MRPL18: variants seen among roughly 807,000 people sequenced by gnomAD.
MRPL18 encodes the protein large ribosomal subunit protein uL18m.
MRPL18 carries 16 observed loss-of-function variants against 20.9 expected under a neutral mutation model. The observed-to-expected ratio is 0.76, with a 90% CI of 0.52 to 1.16. The LOEUF (loss-of-function observed/expected upper bound fraction) is 1.16. Ranked by LOEUF, MRPL18 falls within the 50% of genes most tolerant of loss-of-function variation. The pLI, the probability that MRPL18 is intolerant of heterozygous loss-of-function variation, is 0.00. For missense variants in MRPL18, 233 were observed against 230.6 expected, an observed-to-expected ratio of 1.01 and a Z score of -0.07; for synonymous variants, 91 against 87.1, an observed-to-expected ratio of 1.04 and a Z score of -0.25.
chr6:159,794,555 G>A (rs550670903), intron 2 of MRPL18, among the ~76,000 whole-genome samples: 1 of 152,232 alleles, frequency 6.6e-6, no homozygotes, highest in South Asian at 2.1e-4. Flanking sequence ...GAATACTATT[G>A]CATGGATTTT....
At position 159,791,266 on chromosome 6, in the gene MRPL18, A is replaced by G. The variant is rs542894414; in HGVS notation, c.239+140A>G. ...CGCGGAGGGGCTGGAACAAACAACA[A>G]ATAGGTGTGATGGGGGCTATTTAAA... On this transcript the variant is annotated intron_variant, in intron 2 of 3. Transcript: ENST00000367034. 512 of 925,844 alleles carry G rather than the reference A, an allele frequency of 5.5e-4. 1 individual carries two copies. The highest frequency in any genetic ancestry group is 7.6e-4 in the Non-Finnish European group (468 of 618,018). The allele number at this position is 925,844 out of a possible 1,614,324, so 57.4% of individuals were successfully genotyped here. A position where few individuals can be genotyped will look rare whatever the true frequency, so the allele number is the denominator to read the frequency against.
intron 1 of MRPL18, 145 bp from the exon 2 acceptor site, chr6:159,790,795 C>A: frequency 7.3e-7 from 1 of 1,366,896 alleles, no homozygotes; most frequent in Admixed American, 2.2e-5. Flanking sequence ...GGGGTCAGTG[C>A]TGACTCCACC....
chr6:159,790,877 C>G, intron 1 of MRPL18, 63 bp from the exon 2 acceptor site: 1 of 1,579,706 alleles, frequency 6.3e-7, no homozygotes. Context: ...GACGTTAGAG[C>G]GGGTTCGTGC....
At position 159,790,479 on chromosome 6, in the gene MRPL18, A is replaced by T; in HGVS notation, c.-109A>T. On this transcript the variant is annotated 5_prime_UTR_variant, in exon 1 of 4. Transcript: ENST00000367034. The stretch of plus-strand genomic sequence containing the variant: ...GGCGTCTGGCGTGGAGAGTTTGGGG[A>T]TCTACAGCAGCCAAAGGCTTGTCCC... 1 of 1,458,462 alleles carries T rather than the reference A, an allele frequency of 6.9e-7. No homozygotes were observed. Among genetic ancestry groups the T allele is most frequent in the Non-Finnish European group, 9.5e-7 (1 of 1,049,502 alleles). The allele number at this position is 1,458,462 out of a possible 1,614,324, so 90.3% of individuals were successfully genotyped here. A position where few individuals can be genotyped will look rare whatever the true frequency, so the allele number is the denominator to read the frequency against.
At chr6:159,789,929 AG>A, upstream of MRPL18, 1 of 189,018 alleles carries the variant, frequency 5.3e-6, no homozygotes, top group South Asian at 9.2e-5. Context: ...GTGTAACTGG[AG>A]GGGCGGGCCC....
chr6:159,791,146 A>T lies in MRPL18; in HGVS notation c.239+20A>T, dbSNP rs1343598985. 6.2e-7 allele frequency: 1 copy of T among 1,613,608 alleles called. No individual in the cohort carries two copies. The highest frequency in any genetic ancestry group is 1.3e-5 in the African/African-American group (1 of 74,862). On this transcript the variant is annotated intron_variant, in intron 2 of 3. Coordinates refer to ENST00000367034, the MANE Select transcript of MRPL18 (RefSeq NM_014161.5). ...GCACAGGTAATTAAATCTGCTTGTG[A>T]TTGACAAGGGCAGTGCACCCTACAG...
chr6:159,791,049 GA>G lies in MRPL18; in HGVS notation c.164del (p.Asn55ThrfsTer7). 1 of 1,614,180 alleles carries G rather than the reference GA, an allele frequency of 6.2e-7. No individual in the cohort carries two copies. Among genetic ancestry groups the G allele is most frequent in the Non-Finnish European group, 8.5e-7 (1 of 1,180,016 alleles). On this transcript the variant is annotated frameshift_variant, in exon 2 of 4. Transcript: ENST00000367034. LOFTEE classifies it high-confidence loss of function. ...APEFTNRNPR[N>X]LELLSVARKE... ...CAGAATTCACCAACCGGAACCCCCG[GA>G]ACCTGGAGCTTTTATCTGTAGCCAG...
At chr6:159,793,852 C>T (rs1434879536) in intron 2 of MRPL18, among the ~76,000 whole-genome samples, 1 of 151,490 alleles carries the variant, frequency 6.6e-6, no homozygotes, top group Non-Finnish European at 1.5e-5. Context: ...GCGGAGCTTG[C>T]AGTGAGCCGA....
chr6:159,790,229 T>TA (rs1434674112), upstream of MRPL18, among the ~76,000 whole-genome samples: 1 of 152,138 alleles, frequency 6.6e-6, no homozygotes, highest in Non-Finnish European at 1.5e-5. Context: ...GACCAGTCGA[T>TA]GACCGCCCAA....
intron 2 of MRPL18, among the ~76,000 whole-genome samples, chr6:159,793,003 ATT>A (rs1196483335): frequency 7.3e-6 from 1 of 137,276 alleles, no homozygotes; most frequent in African/African-American, 2.8e-5. Context: ...TTTTTCTGGT[ATT>A]TTTTGTAGAG....
chr6:159,790,388 GAT>G, upstream of MRPL18: 1 of 660,314 alleles, frequency 1.5e-6, no homozygotes, highest in South Asian at 1.9e-5. Flanking sequence ...GATGATTGGC[GAT>G]GAAGGATAAC....
chr6:159,793,933 G>T (rs938564174), intron 2 of MRPL18, among the ~76,000 whole-genome samples: 2 of 151,946 alleles, frequency 1.3e-5, no homozygotes, highest in Non-Finnish European at 2.9e-5. Flanking sequence ...AAGAGATTGT[G>T]ATTTTTTACT....
At position 159,797,296 on chromosome 6, in the gene MRPL18, T is replaced by A; in HGVS notation, c.249T>A (p.Val83=). 1.9e-6 allele frequency: 3 copies of A among 1,614,190 alleles called. No homozygotes were observed. Among genetic ancestry groups the A allele is most frequent in the Non-Finnish European group, 2.5e-6 (3 of 1,180,024 alleles). The change falls in exon 3 of 4, where the codon GTT becomes GTA. Residue 83 remains valine, a synonymous_variant. Transcript: ENST00000367034. The part of the protein sequence containing the change: ...PSREFWHRLR[V]IRTQHHVEAL... Reference sequence around the variant, plus strand: ...TTCTCACCCCATTTAGGTTGCGAGTTATAAGGACTCAGCATCATGTAGAAG... The same window carrying A: ...TTCTCACCCCATTTAGGTTGCGAGTAATAAGGACTCAGCATCATGTAGAAG...
intron 2 of MRPL18, among the ~76,000 whole-genome samples, chr6:159,795,080 A>T (rs964690820): frequency 4.3e-4 from 66 of 152,268 alleles, no homozygotes; most frequent in Non-Finnish European, 1.3e-4. Context: ...ATGCTTTACA[A>T]AGCAGTATTG....
chr6:159,796,283 G>A (rs949487037), intron 2 of MRPL18, among the ~76,000 whole-genome samples: 6 of 151,640 alleles, frequency 4.0e-5, no homozygotes, highest in South Asian at 2.1e-4. Flanking sequence ...AGTTTGAGAC[G>A]AGCCTGGGCA....
At chr6:159,790,799 C>T (rs1780861067) in intron 1 of MRPL18, 141 bp from the exon 2 acceptor site, 2 of 1,372,264 alleles carry the variant, frequency 1.5e-6, no homozygotes, top group Middle Eastern at 1.9e-4. Context: ...TCAGTGCTGA[C>T]TCCACCCTGT....
intron 2 of MRPL18, among the ~76,000 whole-genome samples, chr6:159,796,751 T>C (rs748520169): frequency 2.0e-5 from 3 of 152,088 alleles, no homozygotes; most frequent in African/African-American, 4.8e-5. Context: ...ACTGCTGTAC[T>C]CCGAGCTGGG....
chr6:159,795,131 C>G (rs944198374), intron 2 of MRPL18, among the ~76,000 whole-genome samples: 2 of 152,236 alleles, frequency 1.3e-5, no homozygotes, highest in African/African-American at 4.8e-5. Context: ...GCGGTTTTTC[C>G]CTAACTCAGT....
chr6:159,794,555 G>C (rs550670903), intron 2 of MRPL18, among the ~76,000 whole-genome samples: 1 of 152,232 alleles, frequency 6.6e-6, no homozygotes, highest in East Asian at 1.9e-4. Context: ...GAATACTATT[G>C]CATGGATTTT....
Sources: gnomAD v4.1 joint callset for allele counts (sites outside exome capture counted in the v4.1 genomes callset) on GRCh38, gnomAD v4.1.1 for gene constraint, MANE v1.5 for transcripts, NCBI Gene and HGNC (gene_info 2026-07-23, HGNC 2026-07-21) for gene names.